The following SLC25A21 variants were observed in gnomAD, a reference collection of about 807,000 sequenced individuals.
SLC25A21 encodes mitochondrial 2-oxodicarboxylate carrier.
SLC25A21 carries 47 observed loss-of-function variants against 43.8 expected under a neutral mutation model. That is an observed-to-expected ratio of 1.07 (90% confidence interval 0.85 to 1.37). The LOEUF is 1.37. SLC25A21 is among the 40% of genes most tolerant of loss of function. The pLI, the probability that SLC25A21 is intolerant of heterozygous loss-of-function variation, is 0.00. For missense variants in SLC25A21, 352 were observed against 350.2 expected, an observed-to-expected ratio of 1.00 and a Z score of -0.04; for synonymous variants, 131 against 121.3, an observed-to-expected ratio of 1.08 and a Z score of -0.52.
At chr14:37,029,930 A>G (rs2138766452) in intron 1 of SLC25A21, among the ~76,000 whole-genome samples, 1 of 151,852 alleles carries the variant, frequency 6.6e-6, no homozygotes, top group East Asian at 1.9e-4. Context: ...ATATCTGGCT[A>G]ATTTTTTTAT....
intron 1 of SLC25A21, among the ~76,000 whole-genome samples, chr14:36,892,379 G>C (rs187108907): frequency 2.6e-5 from 4 of 152,136 alleles, no homozygotes; most frequent in Non-Finnish European, 5.9e-5. Flanking sequence ...ATCAACCTAA[G>C]TGCCCATCAG....
intron 1 of SLC25A21, among the ~76,000 whole-genome samples, chr14:37,141,503 G>A (rs543766132): frequency 3.0e-4 from 45 of 150,590 alleles, no homozygotes; most frequent in African/African-American, 6.3e-4. Context: ...AATTAACTGC[G>A]TTTTTAAAAA....
rs1419049011 is a variant in SLC25A21 at position 36,889,496 on chromosome 14, T to C, written c.71-14492A>G. ...TATCTTAATCAATTAATTAATTTGATTGATGTTAGAGACAGGGTCTTATTC... is the reference window on the plus strand; with the variant it reads ...TATCTTAATCAATTAATTAATTTGACTGATGTTAGAGACAGGGTCTTATTC... On this transcript the variant is annotated intron_variant, in intron 1 of 9. Transcript: ENST00000331299. Among the ~76,000 whole-genome samples, 3 of 152,276 alleles carry C rather than the reference T, an allele frequency of 2.0e-5. No individual in the cohort carries two copies. The East Asian group carries it at 5.8e-4, about 29-fold the overall frequency.
chr14:37,086,771 C>T (rs1014587886), intron 1 of SLC25A21, among the ~76,000 whole-genome samples: 5 of 152,020 alleles, frequency 3.3e-5, no homozygotes, highest in Non-Finnish European at 2.9e-5. Flanking sequence ...GCTTGTTACA[C>T]GGAACACTAC....
At chr14:37,032,633 T>C (rs1168406914) in intron 1 of SLC25A21, among the ~76,000 whole-genome samples, 1 of 133,026 alleles carries the variant, frequency 7.5e-6, no homozygotes, top group Non-Finnish European at 1.5e-5. Context: ...ATCATGCCAG[T>C]GCACTCCAGC....
intron 1 of SLC25A21, among the ~76,000 whole-genome samples, chr14:36,970,377 C>A (rs185344178): frequency 4.2e-4 from 64 of 152,270 alleles, no homozygotes; most frequent in Middle Eastern, 6.8e-3. Flanking sequence ...AATTCACTAA[C>A]ATACATGGAA....
intron 2 of SLC25A21, among the ~76,000 whole-genome samples, chr14:36,836,312 C>T (rs60696719): frequency 1.3e-5 from 2 of 152,158 alleles, no homozygotes; most frequent in African/African-American, 2.4e-5. Flanking sequence ...TACAACCCAA[C>T]ATGGTTCAAA....
intron 2 of SLC25A21, among the ~76,000 whole-genome samples, chr14:36,838,749 G>C (rs1889291275): frequency 6.6e-6 from 1 of 152,122 alleles, no homozygotes; most frequent in Non-Finnish European, 1.5e-5. Flanking sequence ...TTCTGTTCAT[G>C]GTAACGTGAA....
At chr14:37,050,057 T>C (rs1961671959) in intron 1 of SLC25A21, among the ~76,000 whole-genome samples, 1 of 152,232 alleles carries the variant, frequency 6.6e-6, no homozygotes, top group South Asian at 2.1e-4. Context: ...TGCATACTTC[T>C]ACAACAGCAA....
chr14:36,878,162 G>C (rs192117486), intron 1 of SLC25A21, among the ~76,000 whole-genome samples: 34 of 152,178 alleles, frequency 2.2e-4, no homozygotes, highest in African/African-American at 7.9e-4. Context: ...TCTCATCATA[G>C]CATAGATGTC....
intron 2 of SLC25A21, among the ~76,000 whole-genome samples, chr14:36,839,574 A>G (rs1889315706): frequency 6.6e-6 from 1 of 152,256 alleles, no homozygotes; most frequent in African/African-American, 2.4e-5. Context: ...CTTTGAATCC[A>G]GTCAAATGGA....
At chr14:36,720,956 C>T (rs1321144464) in intron 6 of SLC25A21, among the ~76,000 whole-genome samples, 1 of 152,212 alleles carries the variant, frequency 6.6e-6, no homozygotes, top group Non-Finnish European at 1.5e-5. Context: ...TGACCTAAGG[C>T]ACACTGAGGG....
chr14:36,679,201 TG>T lies in SLC25A21; in HGVS notation c.*1456del, dbSNP rs1882066850. 2 of 984,778 alleles carry T rather than the reference TG, an allele frequency of 2.0e-6. No homozygotes were observed. Among genetic ancestry groups the T allele is most frequent in the African/African-American group, 3.5e-5 (2 of 57,224 alleles). The allele number at this position is 984,778 out of a possible 1,614,324, so 61.0% of individuals were successfully genotyped here. On this transcript the variant is annotated 3_prime_UTR_variant, in exon 10 of 10. Coordinates refer to ENST00000331299, the MANE Select transcript of SLC25A21 (RefSeq NM_030631.4). Reference sequence around the variant, plus strand: ...TTTCTTTTTTTTCACAATTTTGTTTTGTTTTTAATGACCCTTTTATTGAATA... The same window carrying T: ...TTTCTTTTTTTTCACAATTTTGTTTTTTTTTAATGACCCTTTTATTGAATA...
At chr14:37,097,502 A>G (rs1224006251) in intron 1 of SLC25A21, among the ~76,000 whole-genome samples, 2 of 152,150 alleles carry the variant, frequency 1.3e-5, no homozygotes, top group Non-Finnish European at 2.9e-5. Context: ...CTGCCTCATA[A>G]ATATCCATAT....
chr14:36,938,794 T>C (rs1892487708), intron 1 of SLC25A21, among the ~76,000 whole-genome samples: 1 of 152,052 alleles, frequency 6.6e-6, no homozygotes. Flanking sequence ...GGCACATGTA[T>C]ACAAACATGG....
intron 1 of SLC25A21, among the ~76,000 whole-genome samples, chr14:36,999,610 G>T (rs1266009025): frequency 3.9e-5 from 6 of 152,122 alleles, no homozygotes; most frequent in African/African-American, 1.2e-4. Flanking sequence ...TGCATGAGTG[G>T]AAGTAGAGGG....
chr14:36,684,713 C>T (rs774784455), intron 8 of SLC25A21, 31 bp downstream of exon 8: 24 of 1,574,540 alleles, frequency 1.5e-5, no homozygotes, highest in African/African-American at 2.7e-5. Flanking sequence ...GAGCCTCATA[C>T]ATTTATTAAA....
chr14:36,736,137 G>A (rs555147133), intron 3 of SLC25A21, among the ~76,000 whole-genome samples: 3 of 151,878 alleles, frequency 2.0e-5, no homozygotes, highest in South Asian at 2.1e-4. Flanking sequence ...GGGTTTCACC[G>A]TGTTAGCCAG....
rs111505644 is a variant in SLC25A21 at position 36,925,779 on chromosome 14, A to G, written c.71-50775T>C. On this transcript the variant is annotated intron_variant, in intron 1 of 9. Coordinates refer to ENST00000331299, the MANE Select transcript of SLC25A21 (RefSeq NM_030631.4). ...GGAGAATTGCTTGAACCCAGGGGGCAGAGGTTGTAGTGGGCTGAGATCGTG... is the reference window on the plus strand; with the variant it reads ...GGAGAATTGCTTGAACCCAGGGGGCGGAGGTTGTAGTGGGCTGAGATCGTG... Among the ~76,000 whole-genome samples the G allele has an allele frequency of 9.6e-3, 1,465 of 152,240 alleles. 29 individuals carry two copies. The highest frequency in any genetic ancestry group is 0.033 in the African/African-American group (1,357 of 41,552).
Sources: gnomAD v4.1 joint callset for allele counts (sites outside exome capture counted in the v4.1 genomes callset) on GRCh38, gnomAD v4.1.1 for gene constraint, MANE v1.5 for transcripts, NCBI Gene and HGNC (gene_info 2026-07-23, HGNC 2026-07-21) for gene names.